Variants in GRM6 observed in about 807,000 individuals in gnomAD.
The protein encoded by GRM6 is metabotropic glutamate receptor 6.
Under a neutral mutation model 78.4 loss-of-function variants are expected in GRM6, and 73 were observed. That is an observed-to-expected ratio of 0.93 (90% CI 0.77 to 1.13). The LOEUF (loss-of-function observed/expected upper bound fraction) is 1.13. GRM6 is among the 50% of genes most tolerant of loss of function. The pLI is 0.00. For synonymous variants in GRM6, 580 were observed against 555.0 expected (o/e 1.05, Z -0.63); for missense variants, 1,251 against 1,256.4 (o/e 1.00, Z 0.07).
Position 178,991,947 on chromosome 5 carries a change from T to C in GRM6, c.641A>G (p.Asn214Ser), listed in dbSNP as rs745854440. 1.2e-6 allele frequency: 2 copies of C among 1,614,020 alleles called. No homozygotes were observed. The highest frequency in any genetic ancestry group is 2.7e-5 in the African/African-American group (2 of 74,920). Residue 214 changes from asparagine (N) to serine (S), a missense_variant, in exon 3 of 11, where the codon AAC (asparagine) becomes AGC (serine). Asn to Ser is a conservative substitution (Grantham distance 46). Coordinates refer to ENST00000517717, the MANE Select transcript of GRM6 (RefSeq NM_000843.4). The surrounding 1 kb of genome is among the most constrained non-coding windows in gnomAD (Gnocchi z 5.0). ...MVDIVRALGW[N>S]YVSTLASEGN... ...CTCGGAGGCCAGCGTGGACACATAGTTCCATCCCAGTGCCCTCACGATGTC... is the reference window on the plus strand; with the variant it reads ...CTCGGAGGCCAGCGTGGACACATAGCTCCATCCCAGTGCCCTCACGATGTC...
chr5:178,992,020 A>G lies in GRM6; in HGVS notation c.568T>C (p.Phe190Leu). 6.2e-7 allele frequency: 1 copy of G among 1,614,122 alleles called. No homozygotes were observed. The highest frequency in any genetic ancestry group is 8.5e-7 in the Non-Finnish European group (1 of 1,180,018). ...ELSDSTRYDF[F>L]SRVVPPDSYQ... ...GAGTCGGGTGGCACCACCCGGGAGA[A>G]GAAGTCATAGCGTGTGGAGTCGCTG... Residue 190 changes from phenylalanine (F) to leucine (L), a missense_variant, in exon 3 of 11, where the codon TTC becomes CTC. Coordinates refer to ENST00000517717, the MANE Select transcript of GRM6 (RefSeq NM_000843.4). This position sits in a 1 kb window ranked among gnomAD's most constrained non-coding sequence, Gnocchi z 4.9.
In GRM6 at chr5:178,994,729, C is replaced by A; in HGVS notation, c.216G>T (p.Met72Ile). 2 of 1,463,012 alleles carry A rather than the reference C, an allele frequency of 1.4e-6. No homozygotes were observed. Among genetic ancestry groups the A allele is most frequent in the South Asian group, 2.5e-5 (2 of 78,678 alleles). 90.6% of individuals were successfully genotyped at this position (1,463,012 alleles called of 1,614,324 possible). A position where few individuals can be genotyped will look rare whatever the true frequency, so the allele number is the denominator to read the frequency against. ...CGTTGACGCGGTCCAGCGCGTACAG[C>A]ATGGCCTCCAGCCGGTGCACGCCCT... ...KEQGVHRLEA[M>I]LYALDRVNAD... The change falls in exon 2 of 11, where the codon ATG (methionine) becomes ATT (isoleucine). Residue 72 changes from methionine to isoleucine, a missense_variant. By Grantham distance (10) the Met-to-Ile change is conservative. Coordinates refer to ENST00000517717, the MANE Select transcript of GRM6 (RefSeq NM_000843.4).
chr5:178,984,053 GC>G (rs1482222746), intron 9 of GRM6, among the ~76,000 whole-genome samples: 1 of 152,198 alleles, frequency 6.6e-6, no homozygotes, highest in Non-Finnish European at 1.5e-5. Context: ...AGCTTTTTGT[GC>G]TTCTCCCAAA....
At chr5:178,989,181 C>T (rs372324992) in intron 6 of GRM6, 46 bp from the exon 7 acceptor site, 49 of 1,591,488 alleles carry the variant, frequency 3.1e-5, no homozygotes, top group South Asian at 2.7e-4. Flanking sequence ...CCCCATGCAC[C>T]GAACCCGGCC....
chr5:178,989,217 A>AGGC, intron 6 of GRM6, 48 bp downstream of exon 6: 1 of 954,830 alleles, frequency 1.0e-6, no homozygotes, highest in Non-Finnish European at 1.5e-6. Flanking sequence ...CCCCACCCTC[A>AGGC]CCACCCTCCC....
chr5:178,987,245 C>T (rs992948750), intron 7 of GRM6: 2 of 631,990 alleles, frequency 3.2e-6, no homozygotes, highest in Non-Finnish European at 5.9e-6. Flanking sequence ...GCTGCAGCCG[C>T]TGCAGAAAAC....
chr5:178,978,418 A>G lies in GRM6; in HGVS notation c.*3239T>C, dbSNP rs1760328791. 1 of 152,252 alleles carries G rather than the reference A, an allele frequency of 6.6e-6. No homozygotes were observed. Among genetic ancestry groups the G allele is most frequent in the African/African-American group, 2.4e-5 (1 of 41,460 alleles). The allele number at this position is 152,252 out of a possible 1,614,324, so 9.4% of individuals were successfully genotyped here. Reference sequence around the variant, plus strand: ...CAGTAAGCAATGAATGTAATAAATTAAAGGGAAATTTCTAAAGAGCAAAAA... The same window carrying G: ...CAGTAAGCAATGAATGTAATAAATTGAAGGGAAATTTCTAAAGAGCAAAAA... On this transcript the variant is annotated 3_prime_UTR_variant, in exon 11 of 11. Transcript: ENST00000517717.
intron 9 of GRM6, among the ~76,000 whole-genome samples, chr5:178,984,225 C>A (rs1471489589): frequency 6.6e-6 from 1 of 152,046 alleles, no homozygotes. Context: ...AAGCCCAGGG[C>A]TGCACAGCGG....
chr5:178,985,239 A>G lies in GRM6; in HGVS notation c.2124+891T>C, dbSNP rs199806520. 1.3e-3 allele frequency: 600 copies of G among 456,300 alleles called. 2 individuals carry two copies. The highest frequency in any genetic ancestry group is 1.9e-3 in the Admixed American group (82 of 42,398). The allele number at this position is 456,300 out of a possible 1,614,324, so 28.3% of individuals were successfully genotyped here. Reference sequence around the variant, plus strand: ...CCATATGTGAGCCAAATTGTAGAAGAGCATTTTGGTTTAGAAAATAACTTC... The same window carrying G: ...CCATATGTGAGCCAAATTGTAGAAGGGCATTTTGGTTTAGAAAATAACTTC... On this transcript the variant is annotated intron_variant, in intron 9 of 10. Transcript: ENST00000517717.
At chr5:178,990,787 C>G (rs1452839936) in intron 4 of GRM6, 41 bp from the exon 5 acceptor site, 2 of 1,513,548 alleles carry the variant, frequency 1.3e-6, no homozygotes, top group Non-Finnish European at 1.8e-6. Flanking sequence ...GCCTGGGAGC[C>G]TCCTCCAGCT....
intron 9 of GRM6, chr5:178,985,890 T>C (rs1581894033): frequency 1.8e-6 from 1 of 566,526 alleles, no homozygotes; most frequent in East Asian, 3.1e-5. Flanking sequence ...GCCTCCCAAG[T>C]AGCTAGGACT....
At position 178,985,603 on chromosome 5, in the gene GRM6, T is replaced by C. The variant is rs897802166; in HGVS notation, c.2124+527A>G. The C allele has an allele frequency of 3.7e-5, 13 of 350,150 alleles. 1 individual carries two copies. Among genetic ancestry groups the C allele is most frequent in the South Asian group, 1.3e-4 (6 of 46,004 alleles). 21.7% of individuals were successfully genotyped at this position (350,150 alleles called of 1,614,324 possible). ...CTGTAGTCCCAGCTACTCGGGAGGCTGAGGCAGGAGAATGGCGTGAACCCG... is the reference window on the plus strand; with the variant it reads ...CTGTAGTCCCAGCTACTCGGGAGGCCGAGGCAGGAGAATGGCGTGAACCCG... On this transcript the variant is annotated intron_variant, in intron 9 of 10. Transcript: ENST00000517717.
At chr5:178,985,596 G>A (rs776343504) in intron 9 of GRM6, 222 of 348,222 alleles carry the variant, frequency 6.4e-4, no homozygotes, top group Admixed American at 1.1e-3. Flanking sequence ...CCAGCTACTC[G>A]GGAGGCTGAG....
intron 7 of GRM6, among the ~76,000 whole-genome samples, chr5:178,987,932 G>A (rs2856361): frequency 0.95 from 134,225 of 142,012 alleles, 63,984 homozygotes; most frequent in South Asian, 1. Flanking sequence ...GCTAATTTTT[G>A]TATTTTTAGT....
At position 178,988,600 on chromosome 5, in the gene GRM6, C is replaced by T. The variant is rs972740097; in HGVS notation, c.1354+335G>A. ...CCCACGCAGTCTTAACTGTGCCCCA[C>T]GTGCACCCCCAGGGTCCAGATGCCC... On this transcript the variant is annotated intron_variant, in intron 7 of 10. Coordinates refer to ENST00000517717, the MANE Select transcript of GRM6 (RefSeq NM_000843.4). This position sits in a 1 kb window ranked among gnomAD's most constrained non-coding sequence, Gnocchi z 6.0. Among the ~76,000 whole-genome samples the T allele has an allele frequency of 3.3e-5, 5 of 152,180 alleles. No homozygotes were observed. The highest frequency in any genetic ancestry group is 7.4e-5 in the Non-Finnish European group (5 of 68,020).
Position 178,994,915 on chromosome 5 carries a change from C to T in GRM6, c.30G>A (p.Pro10=). The T allele has an allele frequency of 1.7e-6, 2 of 1,205,536 alleles. No homozygotes were observed. The highest frequency in any genetic ancestry group is 3.8e-5 in the East Asian group (1 of 26,650). The allele number at this position is 1,205,536 out of a possible 1,614,324, so 74.7% of individuals were successfully genotyped here. A position where few individuals can be genotyped will look rare whatever the true frequency, so the allele number is the denominator to read the frequency against. MARPRRARE[P]LLVALLPLAW... is the part of the protein sequence containing the mutation. ...CCAGCGGCAGCAGCGCCACGAGCAGCGGCTCCCGGGCTCTCCGGGGCCGCG... is the reference window on the plus strand; with the variant it reads ...CCAGCGGCAGCAGCGCCACGAGCAGTGGCTCCCGGGCTCTCCGGGGCCGCG... Residue 10 remains proline (P), a synonymous_variant, in exon 2 of 11, where the codon CCG becomes CCA. Transcript: ENST00000517717.
Position 178,992,314 on chromosome 5 carries a change from C to T in GRM6, c.505-231G>A, listed in dbSNP as rs1371363807. 1 of 660,240 alleles carries T rather than the reference C, an allele frequency of 1.5e-6. No individual in the cohort carries two copies. The highest frequency in any genetic ancestry group is 2.8e-6 in the Non-Finnish European group (1 of 357,294). 40.9% of individuals were successfully genotyped at this position (660,240 alleles called of 1,614,324 possible). ...AGTGGGCCTGAGAATTCCGTGAATG[C>T]TGTGCAGGTGGGAGGTATGCAGGGC... On this transcript the variant is annotated intron_variant, in intron 2 of 10. Coordinates refer to ENST00000517717, the MANE Select transcript of GRM6 (RefSeq NM_000843.4). The surrounding 1 kb of genome is among the most constrained non-coding windows in gnomAD (Gnocchi z 4.9).
chr5:178,994,998 CG>C, intron 1 of GRM6, 38 bp from the exon 2 acceptor site: 1 of 999,378 alleles, frequency 1.0e-6, no homozygotes, highest in Non-Finnish European at 1.2e-6. Flanking sequence ...GCTCTGAGGG[CG>C]GGGGAAGGAG....
rs1036867593 is a variant in GRM6, at chr5:178,991,861, G to T, written c.721+6C>A. 6.2e-7 allele frequency: 1 copy of T among 1,611,508 alleles called. No homozygotes were observed. The highest frequency in any genetic ancestry group is 1.3e-5 in the African/African-American group (1 of 74,856). ...ACTCCTTGGTGCCTCGGAGCCCCCA[G>T]CTCACCAGCCTCTCGGGAGATCTGA... On this transcript the variant is annotated splice_donor_region_variant and intron_variant, in intron 3 of 10. Transcript: ENST00000517717. This position sits in a 1 kb window ranked among gnomAD's most constrained non-coding sequence, Gnocchi z 5.0.
Sources: allele counts gnomAD v4.1 joint callset (sites outside exome capture counted in the v4.1 genomes callset), GRCh38; gene constraint gnomAD v4.1.1; non-coding constraint Gnocchi (gnomAD v3.1); transcripts MANE v1.5; gene names NCBI Gene and HGNC (gene_info 2026-07-23, HGNC 2026-07-21).